The following ANKAR variants were observed in gnomAD, a reference collection of about 807,000 sequenced individuals.
ANKAR encodes the protein ankyrin and armadillo repeat-containing protein.
ANKAR carries 136 observed loss-of-function variants against 146.2 expected under a neutral mutation model. That is an observed-to-expected ratio of 0.93 (90% confidence interval 0.81 to 1.07). The LOEUF is 1.07. Ranked by LOEUF, ANKAR falls within the 50% of genes least tolerant of loss-of-function variation. The pLI is 0.00. For synonymous variants in ANKAR, 500 were observed against 575.8 expected (o/e 0.87, Z 1.88); for missense variants, 1,567 against 1,679.9 (o/e 0.93, Z 1.18).
rs774179592 is a variant in ANKAR, at chr2:189,728,778, C to G, written c.3150C>G (p.Gly1050=). Residue 1050 remains glycine (G), a synonymous_variant, in exon 15 of 23, where the codon GGC becomes GGG. Transcript: ENST00000684021. ...RLLRISTIAE[G]TLLSVIRAVG... ...TAAGAATTAGTACGATTGCTGAAGG[C>G]ACACTTCTCAGTGTCATCAGAGCAG... 12 of 1,614,002 alleles carry G rather than the reference C, an allele frequency of 7.4e-6. No homozygotes were observed.
At chr2:189,688,841 C>G (rs1038379458) in intron 2 of ANKAR, among the ~76,000 whole-genome samples, 1 of 152,172 alleles carries the variant, frequency 6.6e-6, no homozygotes, top group Non-Finnish European at 1.5e-5. Context: ...TGAAGGCATT[C>G]ACGTGTACAG....
At chr2:189,704,982 G>C in intron 7 of ANKAR, 41 bp from the exon 8 acceptor site, 1 of 1,580,690 alleles carries the variant, frequency 6.3e-7, no homozygotes, top group Non-Finnish European at 8.7e-7. Flanking sequence ...TTTAGGAATG[G>C]TAGTGCTGTG....
chr2:189,688,932 C>G (rs1412343829), intron 2 of ANKAR, among the ~76,000 whole-genome samples: 2 of 48,438 alleles, frequency 4.1e-5, no homozygotes, highest in Non-Finnish European at 8.1e-5. Context: ...CTTGTCCAGT[C>G]AAAGCTCTAG....
chr2:189,731,623 C>T (rs539229598), intron 16 of ANKAR, among the ~76,000 whole-genome samples: 10 of 152,106 alleles, frequency 6.6e-5, no homozygotes, highest in African/African-American at 2.4e-5. Flanking sequence ...CTTCCCACCT[C>T]GGCCTCCCAA....
chr2:189,701,503 G>A (rs2038047809), intron 7 of ANKAR, among the ~76,000 whole-genome samples: 1 of 152,174 alleles, frequency 6.6e-6, no homozygotes. Context: ...CCAAAGTGCT[G>A]GAATTACAGG....
chr2:189,745,122 C>T (rs572869003), intron 22 of ANKAR, among the ~76,000 whole-genome samples: 1 of 151,874 alleles, frequency 6.6e-6, no homozygotes, highest in Admixed American at 6.6e-5. Flanking sequence ...ACCTGGGAGG[C>T]AGAGGCTGCA....
chr2:189,704,924 A>G (rs2038713860), intron 7 of ANKAR, 99 bp from the exon 8 acceptor site: 1 of 1,122,712 alleles, frequency 8.9e-7, no homozygotes, highest in Non-Finnish European at 1.3e-6. Flanking sequence ...TTTATATCAT[A>G]CAATACTAAG....
downstream of ANKAR, among the ~76,000 whole-genome samples, chr2:189,749,159 T>C (rs926137303): frequency 1.6e-4 from 23 of 147,376 alleles, no homozygotes; most frequent in African/African-American, 5.5e-4. Context: ...GACAGGAGAA[T>C]TGCTTGAACC....
chr2:189,725,216 T>A (rs1456333606), intron 12 of ANKAR, among the ~76,000 whole-genome samples: 2 of 152,116 alleles, frequency 1.3e-5, no homozygotes, highest in Non-Finnish European at 2.9e-5. Context: ...TATGTGTGTA[T>A]GTATGAGTGT....
chr2:189,757,558 G>A (rs147507143), intron 18 of ANKAR, among the ~76,000 whole-genome samples: 2 of 152,304 alleles, frequency 1.3e-5, no homozygotes, highest in East Asian at 3.9e-4. Context: ...TGAGTTAGTG[G>A]TCATTATTAT....
chr2:189,757,088 T>G (rs1162568086), intron 18 of ANKAR, among the ~76,000 whole-genome samples: 1 of 152,200 alleles, frequency 6.6e-6, no homozygotes, highest in Non-Finnish European at 1.5e-5. Flanking sequence ...TTTTTGTCTA[T>G]GATTTGTAGA....
At chr2:189,732,960 T>C (rs2042553420) in intron 16 of ANKAR, 147 bp from the exon 17 acceptor site, 7 of 741,934 alleles carry the variant, frequency 9.4e-6, no homozygotes, top group East Asian at 6.2e-5. Context: ...GTTCTTTCGC[T>C]AGTAAGATAA....
chr2:189,709,500 A>T (rs77947069), intron 9 of ANKAR, among the ~76,000 whole-genome samples: 2 of 152,336 alleles, frequency 1.3e-5, no homozygotes, highest in African/African-American at 4.8e-5. Flanking sequence ...ATAACATTTA[A>T]CTCTGAATCA....
chr2:189,704,967 T>G (rs1421022905), intron 7 of ANKAR, 56 bp from the exon 8 acceptor site: 4 of 1,529,938 alleles, frequency 2.6e-6, no homozygotes, highest in Middle Eastern at 1.7e-4. Flanking sequence ...GGCATTTAGG[T>G]TTTTTTTAGG....
At chr2:189,696,614 A>G (rs573808656) in intron 7 of ANKAR, among the ~76,000 whole-genome samples, 1 of 152,314 alleles carries the variant, frequency 6.6e-6, no homozygotes, top group East Asian at 1.9e-4. Flanking sequence ...ATAAGAGGGC[A>G]AAGATTTAGC....
chr2:189,719,906 C>T (rs922194541), intron 11 of ANKAR, 93 bp downstream of exon 11: 4 of 1,295,704 alleles, frequency 3.1e-6, no homozygotes, highest in Non-Finnish European at 4.1e-6. Flanking sequence ...TATTCAGTGA[C>T]AAAACTCTCA....
At chr2:189,742,781 C>T (rs986874980) in intron 20 of ANKAR, among the ~76,000 whole-genome samples, 1 of 151,502 alleles carries the variant, frequency 6.6e-6, no homozygotes, top group Admixed American at 6.6e-5. Flanking sequence ...GTTGCATCCA[C>T]TACCTTAGTT....
intron 2 of ANKAR, among the ~76,000 whole-genome samples, chr2:189,677,657 T>C (rs2033940876): frequency 6.6e-6 from 1 of 151,970 alleles, no homozygotes; most frequent in Non-Finnish European, 1.5e-5. Flanking sequence ...TCATGGTATA[T>C]ATATTTTCTT....
intron 12 of ANKAR, among the ~76,000 whole-genome samples, chr2:189,724,510 C>T (rs2041652360): frequency 2.0e-5 from 3 of 152,270 alleles, no homozygotes; most frequent in African/African-American, 7.2e-5. Context: ...TCGACAAGGT[C>T]AAGGACCTTG....
Sources: gnomAD v4.1 joint callset for allele counts (sites outside exome capture counted in the v4.1 genomes callset) on GRCh38, gnomAD v4.1.1 for gene constraint, MANE v1.5 for transcripts, NCBI Gene and HGNC (gene_info 2026-07-23, HGNC 2026-07-21) for gene names.